The following MEI4 variants were observed in gnomAD, a reference collection of about 807,000 sequenced individuals.
MEI4 encodes meiotic double-stranded break formation protein 4.
A neutral mutation model predicts 31.4 loss-of-function variants in MEI4; 27 were observed. The observed-to-expected ratio is 0.86, with a 90% CI of 0.63 to 1.19. MEI4 has a LOEUF of 1.19. Among genes scored for constraint, MEI4 ranks in the 50% most tolerant of loss-of-function variants. The pLI is 0.00. For missense variants in MEI4, 329 were observed against 398.9 expected (o/e 0.82, Z 1.49); for synonymous variants, 122 against 145.4 (o/e 0.84, Z 1.16).
At position 77,912,749 on chromosome 6, in the gene MEI4, A is replaced by C. The variant is rs140734433; in HGVS notation, c.901-10340A>C. ...CTAGATAAAAGATATCATTTGCCTA[A>C]AGGAACAGTTTGACTTCCTCTTTTC... is the stretch of plus-strand genomic sequence containing the variant. On this transcript the variant is annotated intron_variant, in intron 4 of 4. Transcript: ENST00000684080. Among the ~76,000 whole-genome samples, 213 of 152,212 alleles carry C rather than the reference A, an allele frequency of 1.4e-3. 1 individual carries two copies. Among genetic ancestry groups the C allele is most frequent in the African/African-American group, 4.5e-3 (187 of 41,558 alleles).
chr6:77,845,013 C>A (rs1017390113), intron 4 of MEI4, among the ~76,000 whole-genome samples: 1 of 152,098 alleles, frequency 6.6e-6, no homozygotes, highest in Non-Finnish European at 1.5e-5. Flanking sequence ...CACTGGGAAC[C>A]AATGAAACCT....
chr6:77,723,348 GGTT>G (rs1208172110), intron 2 of MEI4, among the ~76,000 whole-genome samples: 1 of 132,612 alleles, frequency 7.5e-6, no homozygotes, highest in Non-Finnish European at 1.7e-5. Context: ...GGACAGTGGG[GGTT>G]GTTGTCCCTG....
At position 77,684,762 on chromosome 6, in the gene MEI4, A is replaced by G. The variant is rs145798636; in HGVS notation, c.-14-5896A>G. Among the ~76,000 whole-genome samples, 87 of 152,330 alleles carry G rather than the reference A, an allele frequency of 5.7e-4. 2 individuals carry two copies. The highest frequency in any genetic ancestry group is 1.5e-3 in the African/African-American group (63 of 41,590). ...TCTTTTAACATTAATCTGTTGATAC[A>G]CAATTAGGTTGTTTCCAAATCTTAG... On this transcript the variant is annotated intron_variant, in intron 1 of 4. Transcript: ENST00000684080.
At position 77,754,105 on chromosome 6, in the gene MEI4, TA is replaced by T. The variant is rs1767853268; in HGVS notation, c.233-7024del. ...TCACACACCATGTCCTGTAGGGGGT[TA>T]GGGGGGTTCTGGGGAGGGATGGCAT... On this transcript the variant is annotated intron_variant, in intron 2 of 4. Transcript: ENST00000684080. 3.3e-5 allele frequency among the ~76,000 whole-genome samples: 5 copies of T among 151,704 alleles called. No homozygotes were observed. In the South Asian group the frequency reaches 6.3e-4, roughly 19 times the overall value.
intron 1 of MEI4, among the ~76,000 whole-genome samples, chr6:77,686,827 A>G (rs1216096488): frequency 2.0e-5 from 3 of 148,738 alleles, no homozygotes; most frequent in Admixed American, 1.3e-4. Context: ...CTGAATGGCT[A>G]TGTAATTCAA....
At chr6:77,775,608 T>C (rs928328636) in intron 3 of MEI4, among the ~76,000 whole-genome samples, 2 of 152,182 alleles carry the variant, frequency 1.3e-5, no homozygotes, top group Admixed American at 6.6e-5. Context: ...TGGGCCAGTT[T>C]CATATATTTG....
intron 3 of MEI4, among the ~76,000 whole-genome samples, chr6:77,818,650 T>C (rs1769744533): frequency 6.6e-6 from 1 of 152,164 alleles, no homozygotes; most frequent in South Asian, 2.1e-4. Flanking sequence ...AATTTTAATG[T>C]TGTGATTTGT....
intron 3 of MEI4, among the ~76,000 whole-genome samples, chr6:77,826,407 G>A (rs944194483): frequency 6.6e-6 from 1 of 152,124 alleles, no homozygotes; most frequent in Non-Finnish European, 1.5e-5. Context: ...CTGATCAACT[G>A]CAAGCACATT....
At chr6:77,758,544 CA>C (rs1432984209) in intron 2 of MEI4, among the ~76,000 whole-genome samples, 13 of 152,150 alleles carry the variant, frequency 8.5e-5, no homozygotes, top group African/African-American at 3.1e-4. Flanking sequence ...CCCCCTTTCT[CA>C]AACTTTAAGA....
At chr6:77,796,337 T>C (rs947034848) in intron 3 of MEI4, among the ~76,000 whole-genome samples, 1 of 152,142 alleles carries the variant, frequency 6.6e-6, no homozygotes, top group African/African-American at 2.4e-5. Flanking sequence ...AACACTTCTA[T>C]TCAGCATATC....
chr6:77,854,270 T>A (rs1350422243), intron 4 of MEI4, among the ~76,000 whole-genome samples: 1 of 151,882 alleles, frequency 6.6e-6, no homozygotes, highest in East Asian at 1.9e-4. Flanking sequence ...TATTTGAAAT[T>A]AAATAGTTAA....
intron 1 of MEI4, among the ~76,000 whole-genome samples, chr6:77,670,922 C>T (rs61208123): frequency 0.045 from 6,758 of 151,806 alleles, 509 homozygotes; most frequent in African/African-American, 0.15. Flanking sequence ...AGGATGTAGC[C>T]GGTGATTTAT....
At chr6:77,677,288 C>A (rs561034901) in intron 1 of MEI4, among the ~76,000 whole-genome samples, 1 of 152,268 alleles carries the variant, frequency 6.6e-6, no homozygotes, top group Admixed American at 6.5e-5. Context: ...CATCTCTTTT[C>A]TGAGCTCGTT....
At chr6:77,680,364 A>C (rs1476986655) in intron 1 of MEI4, among the ~76,000 whole-genome samples, 1 of 151,972 alleles carries the variant, frequency 6.6e-6, no homozygotes, top group Admixed American at 6.6e-5. Flanking sequence ...TAGTGGGGTA[A>C]GTCGCATGGA....
At chr6:77,753,693 C>T (rs575109251) in intron 2 of MEI4, among the ~76,000 whole-genome samples, 4 of 152,156 alleles carry the variant, frequency 2.6e-5, no homozygotes, top group South Asian at 4.1e-4. Flanking sequence ...GACAGTAGGT[C>T]GATTCCTCAA....
At chr6:77,803,639 G>C (rs889466266) in intron 3 of MEI4, among the ~76,000 whole-genome samples, 1 of 152,170 alleles carries the variant, frequency 6.6e-6, no homozygotes, top group Non-Finnish European at 1.5e-5. Context: ...GTGACGTACA[G>C]ATGGTGTTTT....
intron 3 of MEI4, among the ~76,000 whole-genome samples, chr6:77,810,323 A>G (rs1769545778): frequency 6.6e-6 from 1 of 152,158 alleles, no homozygotes; most frequent in South Asian, 2.1e-4. Flanking sequence ...GGGATTCTGT[A>G]AGATTATCTC....
At chr6:77,652,088 A>G (rs182164101), upstream of MEI4, among the ~76,000 whole-genome samples, 53 of 152,290 alleles carry the variant, frequency 3.5e-4, no homozygotes, top group Middle Eastern at 3.4e-3. Context: ...CAGGCTGACA[A>G]TTTATTATAA....
intron 1 of MEI4, among the ~76,000 whole-genome samples, chr6:77,679,221 G>A (rs1768905901): frequency 6.6e-6 from 1 of 152,144 alleles, no homozygotes. Context: ...ATACAGTAAT[G>A]TGCTAGGCCT....
Sources: gnomAD v4.1 joint callset for allele counts (sites outside exome capture counted in the v4.1 genomes callset) on GRCh38, gnomAD v4.1.1 for gene constraint, MANE v1.5 for transcripts, NCBI Gene and HGNC (gene_info 2026-07-23, HGNC 2026-07-21) for gene names.